Variants in GALNT9 observed in about 807,000 individuals in gnomAD.
GALNT9 encodes the protein polypeptide N-acetylgalactosaminyltransferase 9, also known as GalNAc transferase 9.
Under a neutral mutation model 63.1 loss-of-function variants are expected in GALNT9, and 47 were observed. The observed-to-expected ratio is 0.75, with a 90% confidence interval of 0.59 to 0.95. The LOEUF (loss-of-function observed/expected upper bound fraction) is 0.95, where lower values mean the gene tolerates loss of function less well. Ranked by LOEUF, GALNT9 falls within the 40% of genes least tolerant of loss-of-function variation. The probability of loss-of-function intolerance (pLI) is 0.00; values close to 1 mark genes in which losing one functional copy is unlikely to be tolerated. For synonymous variants in GALNT9, 396 were observed against 365.7 expected (o/e 1.08, Z -0.94); for missense variants, 829 against 874.8 (o/e 0.95, Z 0.66).
At chr12:132,218,835 C>T (rs1877323184) in intron 6 of GALNT9, among the ~76,000 whole-genome samples, 1 of 152,262 alleles carries the variant, frequency 6.6e-6, no homozygotes, top group Non-Finnish European at 1.5e-5. Flanking sequence ...TGTCCAGACC[C>T]TCCCACTCAC....
intron 1 of GALNT9, among the ~76,000 whole-genome samples, chr12:132,301,049 A>T (rs1881277631): frequency 6.6e-6 from 1 of 152,224 alleles, no homozygotes; most frequent in African/African-American, 2.4e-5. Flanking sequence ...TTTAATCCCC[A>T]GGGTTCCCTC....
intron 6 of GALNT9, among the ~76,000 whole-genome samples, chr12:132,229,846 G>A (rs1161499590): frequency 2.0e-5 from 3 of 152,236 alleles, no homozygotes; most frequent in Non-Finnish European, 2.9e-5. Flanking sequence ...TGAGGAAGCC[G>A]GGGCTGTGAG....
rs1869210551 is a variant in GALNT9 at position 132,329,583 on chromosome 12, G to A, written c.-380C>T. On this transcript the variant is annotated 5_prime_UTR_variant, in exon 1 of 11. Coordinates refer to ENST00000328957, the MANE Select transcript of GALNT9 (RefSeq NM_001122636.2). ...GCCCCGCAGCCACCGCGCCGGTGCA[G>A]AGTGACGCGGCCTCACCTCACCTCA... 1.4e-5 allele frequency among the ~76,000 whole-genome samples: 2 copies of A among 147,220 alleles called. No homozygotes were observed. Among genetic ancestry groups the A allele is most frequent in the African/African-American group, 4.9e-5 (2 of 40,850 alleles).
chr12:132,257,695 G>C lies in GALNT9; in HGVS notation c.953C>G (p.Pro318Arg). 6.5e-7 allele frequency: 1 copy of C among 1,548,922 alleles called. No homozygotes were observed. The highest frequency in any genetic ancestry group is 8.7e-7 in the Non-Finnish European group (1 of 1,146,204). Residue 318 changes from proline (P) to arginine (R), a missense_variant, in exon 5 of 11, where the codon CCC (proline) becomes CGC (arginine). Physicochemically the swap from Pro to Arg is moderately radical, Grantham distance 103. Transcript: ENST00000328957. ...CCCTGAGGGCGCAGCTCACCTGATG[G>C]GTGCTGACTCGTCGCCGCGGTCCAG... ...DWLDRGDESAPIRTPAMIGCS... is the reference protein window; with the variant it reads ...DWLDRGDESARIRTPAMIGCS...
intron 1 of GALNT9, among the ~76,000 whole-genome samples, chr12:132,297,734 A>T (rs1183940181): frequency 6.6e-6 from 1 of 151,940 alleles, no homozygotes; most frequent in East Asian, 1.9e-4. Flanking sequence ...AAGATAACCA[A>T]CACACTCCCA....
chr12:132,325,886 G>A (rs1410700185), intron 1 of GALNT9, among the ~76,000 whole-genome samples: 1 of 152,274 alleles, frequency 6.6e-6, no homozygotes, highest in Admixed American at 6.5e-5. Context: ...GGAGGGCCAG[G>A]ACCGCGCCAG....
chr12:132,261,698 G>A (rs1283510554), intron 3 of GALNT9, among the ~76,000 whole-genome samples: 1 of 152,256 alleles, frequency 6.6e-6, no homozygotes, highest in Non-Finnish European at 1.5e-5. Flanking sequence ...CCATGGCACA[G>A]CCTCCTGCCT....
At chr12:132,323,931 C>T (rs1294232763) in intron 1 of GALNT9, among the ~76,000 whole-genome samples, 1 of 152,310 alleles carries the variant, frequency 6.6e-6, no homozygotes, top group South Asian at 2.1e-4. Context: ...GCTGTCTTCC[C>T]GGCCACGGCC....
rs1555242724 is a variant in GALNT9 at position 132,291,325 on chromosome 12, TCCACAGCACCCACAA to T, written c.239-4910_239-4896del. Among the ~76,000 whole-genome samples the T allele has an allele frequency of 3.9e-3, 202 of 51,368 alleles. 7 individuals are homozygous for T. Among genetic ancestry groups the T allele is most frequent in the Non-Finnish European group, 5.8e-3 (162 of 27,754 alleles). The allele number at this position is 51,368 out of a possible 152,430, so 33.7% of individuals were successfully genotyped here. A position where few individuals can be genotyped will look rare whatever the true frequency, so the allele number is the denominator to read the frequency against. ...AGCACCCACATCCACAGCACCCACA[TCCACAGCACCCACAA>T]CCACAGCACCCACGTCCACAGCACC... On this transcript the variant is annotated intron_variant, in intron 1 of 10. Coordinates refer to ENST00000328957, the MANE Select transcript of GALNT9 (RefSeq NM_001122636.2).
At chr12:132,328,069 T>C (rs1869117441) in intron 1 of GALNT9, among the ~76,000 whole-genome samples, 1 of 152,162 alleles carries the variant, frequency 6.6e-6, no homozygotes, top group South Asian at 2.1e-4. Context: ...GCTAGTGATG[T>C]AGGCACATGC....
intron 8 of GALNT9, among the ~76,000 whole-genome samples, chr12:132,199,796 TCAGCACAGCCTGGATCA>T (rs1875863443): frequency 6.6e-6 from 1 of 152,142 alleles, no homozygotes; most frequent in Non-Finnish European, 1.5e-5. Flanking sequence ...CCATCGGAGA[TCAGCACAGCCTGGATCA>T]GGCCAGCAGC....
At chr12:132,291,415 T>A (rs1223555066) in intron 1 of GALNT9, among the ~76,000 whole-genome samples, 4 of 91,928 alleles carry the variant, frequency 4.4e-5, no homozygotes, top group African/African-American at 2.1e-4. Context: ...AGCGCACACG[T>A]CCACAGCACC....
intron 1 of GALNT9, among the ~76,000 whole-genome samples, chr12:132,324,204 A>G (rs1209539707): frequency 6.6e-6 from 1 of 151,936 alleles, no homozygotes; most frequent in Non-Finnish European, 1.5e-5. Flanking sequence ...AGAAACCCAC[A>G]CCTGACACCC....
At chr12:132,201,407 G>A in intron 7 of GALNT9, 146 bp from the exon 8 acceptor site, 1 of 556,542 alleles carries the variant, frequency 1.8e-6, no homozygotes, top group East Asian at 2.9e-5. Context: ...GCCCCATCCA[G>A]TTGGGACCCC....
At chr12:132,320,830 C>T (rs1437400280) in intron 1 of GALNT9, among the ~76,000 whole-genome samples, 6 of 152,270 alleles carry the variant, frequency 3.9e-5, no homozygotes, top group Middle Eastern at 3.4e-3. Context: ...TCTGCTGTGC[C>T]GCGTGCCTCC....
chr12:132,326,281 C>T (rs909666601), intron 1 of GALNT9, among the ~76,000 whole-genome samples: 1 of 152,212 alleles, frequency 6.6e-6, no homozygotes, highest in African/African-American at 2.4e-5. Context: ...CTTTTATGTG[C>T]AACTGAAGAT....
intron 1 of GALNT9, among the ~76,000 whole-genome samples, chr12:132,302,156 G>T (rs183922767): frequency 6.6e-6 from 1 of 151,408 alleles, no homozygotes; most frequent in African/African-American, 2.4e-5. Flanking sequence ...AGCAATATAT[G>T]CTTCCACTAC....
chr12:132,203,504 C>T lies in GALNT9; in HGVS notation c.1263+1G>A. 6 of 1,613,524 alleles carry T rather than the reference C, an allele frequency of 3.7e-6. No homozygotes were observed. Among genetic ancestry groups the T allele is most frequent in the Non-Finnish European group, 5.1e-6 (6 of 1,179,606 alleles). ...CGGCTCCCGGCCTGTGGGGGACTCA[C>T]CGACATGGGGATGTTCCAGGCCATG... On this transcript the variant is annotated splice_donor_variant, in intron 7 of 10. Coordinates refer to ENST00000328957, the MANE Select transcript of GALNT9 (RefSeq NM_001122636.2). LOFTEE classifies it high-confidence loss of function.
At chr12:132,320,115 C>T (rs1171422497) in intron 1 of GALNT9, among the ~76,000 whole-genome samples, 2 of 152,282 alleles carry the variant, frequency 1.3e-5, no homozygotes, top group Non-Finnish European at 2.9e-5. Context: ...GCTGCTCCTG[C>T]AGCGACATCC....
Sources: gnomAD v4.1 joint callset for allele counts (sites outside exome capture counted in the v4.1 genomes callset) on GRCh38, gnomAD v4.1.1 for gene constraint, MANE v1.5 for transcripts, NCBI Gene and HGNC (gene_info 2026-07-23, HGNC 2026-07-21) for gene names.